SEPTIN7: variants seen among roughly 807,000 people sequenced by gnomAD.
SEPTIN7 encodes septin 7, also known as septin-7.
Under a neutral mutation model 63.3 loss-of-function variants are expected in SEPTIN7, and 10 were observed. That is an observed-to-expected ratio of 0.16 (90% CI 0.10 to 0.27). The LOEUF is 0.27. Among genes scored for constraint, SEPTIN7 ranks in the 10% least tolerant of loss-of-function variants. The pLI, the probability that SEPTIN7 is intolerant of heterozygous loss-of-function variation, is 1.00. For missense variants in SEPTIN7, 310 were observed against 521.0 expected (o/e 0.59, Z 3.94); for synonymous variants, 131 against 165.3 (o/e 0.79, Z 1.59).
chr7:35,895,392 C>G (rs1028090032), intron 11 of SEPTIN7, among the ~76,000 whole-genome samples: 6 of 152,098 alleles, frequency 3.9e-5, no homozygotes, highest in African/African-American at 9.7e-5. Flanking sequence ...TATGCATGAA[C>G]ATTTTTTCAC....
At chr7:35,813,368 T>TG in intron 1 of SEPTIN7, among the ~76,000 whole-genome samples, 1 of 152,250 alleles carries the variant, frequency 6.6e-6, no homozygotes, top group Non-Finnish European at 1.5e-5. Flanking sequence ...TTCCTTTTTT[T>TG]TTTTTGGAAA....
chr7:35,872,571 G>A (rs1368170641), intron 4 of SEPTIN7, 95 bp from the exon 5 acceptor site: 1 of 823,220 alleles, frequency 1.2e-6, no homozygotes, highest in East Asian at 2.5e-5. Context: ...TTTCCCAGTT[G>A]GTTTTGATAA....
At chr7:35,908,327 T>C (rs1268318614), downstream of SEPTIN7, among the ~76,000 whole-genome samples, 1 of 152,224 alleles carries the variant, frequency 6.6e-6, no homozygotes, top group Non-Finnish European at 1.5e-5. Flanking sequence ...TAGAAGACTT[T>C]GAAAGCTTCA....
At chr7:35,819,369 T>C (rs1369468982) in intron 1 of SEPTIN7, among the ~76,000 whole-genome samples, 2 of 152,196 alleles carry the variant, frequency 1.3e-5, no homozygotes, top group Non-Finnish European at 2.9e-5. Flanking sequence ...ATCTAACATA[T>C]GGTCTCTTCT....
intron 1 of SEPTIN7, among the ~76,000 whole-genome samples, 169 bp downstream of exon 1, chr7:35,801,439 C>T (rs1336511270): frequency 6.7e-6 from 1 of 148,328 alleles, no homozygotes; most frequent in African/African-American, 2.5e-5. Context: ...GCGGCGGGCT[C>T]GGGGGGAGGG....
At chr7:35,811,388 A>G (rs1401521483) in intron 1 of SEPTIN7, among the ~76,000 whole-genome samples, 1 of 152,194 alleles carries the variant, frequency 6.6e-6, no homozygotes, top group Non-Finnish European at 1.5e-5. Context: ...TTTATGATTA[A>G]CTTAAACAAA....
At position 35,890,810 on chromosome 7, in the gene SEPTIN7, T is replaced by C. The variant is rs763923673; in HGVS notation, c.998+17T>C. On this transcript the variant is annotated intron_variant, in intron 11 of 13. Transcript: ENST00000350320. Reference sequence around the variant, plus strand: ...GCTGACTAAGTAAGTATATATTTTTTTCTCCAAAAAGGTATTATTTCTGTA... The same window carrying C: ...GCTGACTAAGTAAGTATATATTTTTCTCTCCAAAAAGGTATTATTTCTGTA... The C allele has an allele frequency of 6.6e-7, 1 of 1,508,844 alleles. No homozygotes were observed. The highest frequency in any genetic ancestry group is 1.4e-5 in the African/African-American group (1 of 70,474). 93.5% of individuals were successfully genotyped at this position (1,508,844 alleles called of 1,614,324 possible). A position where few individuals can be genotyped will look rare whatever the true frequency, so the allele number is the denominator to read the frequency against.
chr7:35,915,062 C>A, the SEPTIN7 span, among the ~76,000 whole-genome samples: 1 of 149,580 alleles, frequency 6.7e-6, no homozygotes, highest in Non-Finnish European at 1.5e-5. Flanking sequence ...TATATATACA[C>A]AGATGCATGC....
intron 4 of SEPTIN7, among the ~76,000 whole-genome samples, 197 bp downstream of exon 4, chr7:35,863,855 C>T (rs1039312934): frequency 1.3e-5 from 2 of 149,974 alleles, no homozygotes; most frequent in African/African-American, 4.9e-5. Context: ...GCTAGAACTT[C>T]CCAAATTTGT....
At chr7:35,873,007 T>G (rs1463275917) in intron 5 of SEPTIN7, among the ~76,000 whole-genome samples, 1 of 152,150 alleles carries the variant, frequency 6.6e-6, no homozygotes, top group African/African-American at 2.4e-5. Flanking sequence ...TTTTAAGACA[T>G]ATTCTAAAAT....
chr7:35,849,587 A>G (rs1348464392), intron 3 of SEPTIN7, among the ~76,000 whole-genome samples: 2 of 152,208 alleles, frequency 1.3e-5, no homozygotes, highest in East Asian at 3.8e-4. Flanking sequence ...TTAAATCTTT[A>G]CCAGATTAAG....
chr7:35,886,145 CTA>C (rs1207056490), intron 10 of SEPTIN7, among the ~76,000 whole-genome samples: 15 of 152,142 alleles, frequency 9.9e-5, no homozygotes, highest in African/African-American at 3.4e-4. Context: ...ACTGAAATAA[CTA>C]TGGAAAGTGA....
At chr7:35,882,201 G>A (rs572578169) in intron 7 of SEPTIN7, among the ~76,000 whole-genome samples, 1 of 151,680 alleles carries the variant, frequency 6.6e-6, no homozygotes, top group African/African-American at 2.4e-5. Flanking sequence ...ATCCCTTTCT[G>A]GAGTTTTACA....
intron 10 of SEPTIN7, among the ~76,000 whole-genome samples, chr7:35,888,134 G>A (rs1456410133): frequency 6.6e-6 from 1 of 152,190 alleles, no homozygotes. Context: ...AAAACAAAAG[G>A]AGAACAGAAA....
At position 35,882,543 on chromosome 7, in the gene SEPTIN7, TGAA is replaced by T; in HGVS notation, c.697_699del (p.Glu233del). On this transcript the variant is annotated inframe_deletion, in exon 8 of 14. Transcript: ENST00000350320. ...TATACGAATTTCCAGAAACAGATGA[TGAA>T]GAAGAAAATAAACTTGTTAAAAAGA... 1.3e-6 allele frequency: 2 copies of T among 1,487,566 alleles called. No individual in the cohort carries two copies. Among genetic ancestry groups the T allele is most frequent in the Non-Finnish European group, 1.8e-6 (2 of 1,109,222 alleles). The allele number at this position is 1,487,566 out of a possible 1,614,324, so 92.1% of individuals were successfully genotyped here.
intron 6 of SEPTIN7, among the ~76,000 whole-genome samples, chr7:35,875,770 TATACATACATAC>T (rs144950029): frequency 8.5e-5 from 13 of 152,184 alleles, no homozygotes; most frequent in African/African-American, 2.2e-4. Context: ...TTTTTTCTCT[TATACATACATAC>T]ATACATACAT....
chr7:35,854,606 A>G (rs1363804708), intron 3 of SEPTIN7, among the ~76,000 whole-genome samples: 1 of 152,130 alleles, frequency 6.6e-6, no homozygotes, highest in Non-Finnish European at 1.5e-5. Context: ...ATCTGCAGCA[A>G]CCTGTGCCTG....
chr7:35,820,107 G>A (rs936209498), intron 1 of SEPTIN7, among the ~76,000 whole-genome samples: 9 of 151,418 alleles, frequency 5.9e-5, no homozygotes, highest in African/African-American at 1.9e-4. Context: ...TTTTGCTTTC[G>A]GGCCTCCATG....
chr7:35,821,183 T>C (rs1157988992), intron 1 of SEPTIN7, among the ~76,000 whole-genome samples: 5 of 152,252 alleles, frequency 3.3e-5, no homozygotes, highest in Non-Finnish European at 5.9e-5. Flanking sequence ...CAAGAGCTGC[T>C]GTTTTTACCA....
Sources: allele counts gnomAD v4.1 joint callset (sites outside exome capture counted in the v4.1 genomes callset), GRCh38; gene constraint gnomAD v4.1.1; transcripts MANE v1.5; gene names NCBI Gene and HGNC (gene_info 2026-07-23, HGNC 2026-07-21).